DIAPH2: variants seen among roughly 807,000 people sequenced by gnomAD.
The protein encoded by DIAPH2 is protein diaphanous homolog 2.
A neutral mutation model predicts 92.7 loss-of-function variants in DIAPH2; 35 were observed. The ratio of observed to expected loss-of-function variants is 0.38; its 90% confidence interval spans 0.29 to 0.50. The LOEUF (loss-of-function observed/expected upper bound fraction) is 0.50. Among genes scored for constraint, DIAPH2 ranks in the 20% least tolerant of loss-of-function variants. DIAPH2 has a pLI of 0.94. For missense variants in DIAPH2, 701 were observed against 819.5 expected (o/e 0.86, Z 1.77); for synonymous variants, 301 against 280.4 (o/e 1.07, Z -0.73).
intron 4 of DIAPH2, among the ~76,000 whole-genome samples, chrX:96,793,231 GCTCACTGT>G (rs2064513497): frequency 8.9e-6 from 1 of 112,388 alleles, no homozygotes; most frequent in African/African-American, 3.2e-5. Flanking sequence ...CGTGACCTCG[GCTCACTGT>G]ATCCTCTGTC....
At chrX:97,017,233 C>T (rs1055010296) in intron 17 of DIAPH2, among the ~76,000 whole-genome samples, 2 of 111,825 alleles carry the variant, frequency 1.8e-5, no homozygotes, top group Admixed American at 9.5e-5. Flanking sequence ...AGGAAAACAT[C>T]GTAAATATCA....
intron 4 of DIAPH2, among the ~76,000 whole-genome samples, chrX:96,816,868 A>G (rs766409928): frequency 1.8e-5 from 2 of 112,613 alleles, no homozygotes; most frequent in African/African-American, 6.4e-5. Context: ...TGTGGTACAT[A>G]TACACAATGG....
intron 4 of DIAPH2, among the ~76,000 whole-genome samples, chrX:96,784,067 C>A (rs2064437981): frequency 8.9e-6 from 1 of 111,954 alleles, no homozygotes; most frequent in South Asian, 3.7e-4. Flanking sequence ...TCCTAAAATG[C>A]CTCATTCTTT....
At chrX:96,883,389 T>G (rs1283555099) in intron 5 of DIAPH2, among the ~76,000 whole-genome samples, 1 of 109,352 alleles carries the variant, frequency 9.1e-6, no homozygotes, top group African/African-American at 3.3e-5. Context: ...GTTTTTTGTT[T>G]TTTTTTTTGA....
At chrX:97,343,593 C>T (rs1183856328) in intron 23 of DIAPH2, among the ~76,000 whole-genome samples, 2 of 109,814 alleles carry the variant, frequency 1.8e-5, no homozygotes, top group Non-Finnish European at 3.8e-5. Context: ...CGCTTGAACC[C>T]GGGAGGCGGA....
intron 21 of DIAPH2, among the ~76,000 whole-genome samples, chrX:97,123,516 T>C (rs1339200381): frequency 8.9e-6 from 1 of 112,413 alleles, no homozygotes; most frequent in Non-Finnish European, 1.9e-5. Context: ...ATGTTATTCA[T>C]TGTGTATTCT....
intron 4 of DIAPH2, among the ~76,000 whole-genome samples, chrX:96,779,277 ACT>A (rs2064399414): frequency 8.9e-6 from 1 of 111,897 alleles, no homozygotes; most frequent in Non-Finnish European, 1.9e-5. Context: ...ATTGATAGAA[ACT>A]CTATAAAATC....
chrX:96,732,266 T>A (rs1442216012), intron 1 of DIAPH2, among the ~76,000 whole-genome samples: 2 of 111,951 alleles, frequency 1.8e-5, no homozygotes, highest in Admixed American at 9.5e-5. Context: ...CAGAAATGAT[T>A]TCGTTTTGTT....
At chrX:97,297,492 T>C (rs1280354876) in intron 23 of DIAPH2, among the ~76,000 whole-genome samples, 1 of 110,723 alleles carries the variant, frequency 9.0e-6, no homozygotes, top group Non-Finnish European at 1.9e-5. Flanking sequence ...TTCCTGTAGA[T>C]TTTTATTCAT....
At chrX:97,129,101 C>CT (rs1330005459) in intron 21 of DIAPH2, among the ~76,000 whole-genome samples, 1 of 61,080 alleles carries the variant, frequency 1.6e-5, no homozygotes, top group African/African-American at 7.4e-5. Flanking sequence ...CTTTTCTTTT[C>CT]TTTTCTTTTC....
Position 97,162,105 on chromosome X carries a change from A to G in DIAPH2, c.2719+20311A>G, listed in dbSNP as rs1284783994. ...TATCTCTTAATATTACCTTAATATT[A>G]TCAATTTCTTGAGAATTATCTTCCA... On this transcript the variant is annotated intron_variant, in intron 22 of 26. Coordinates refer to ENST00000324765, the MANE Select transcript of DIAPH2 (RefSeq NM_006729.5). 2.7e-5 allele frequency among the ~76,000 whole-genome samples: 3 copies of G among 111,214 alleles called. No individual in the cohort carries two copies. The East Asian group carries it at 8.4e-4, about 31-fold the overall frequency.
intron 23 of DIAPH2, among the ~76,000 whole-genome samples, chrX:97,266,256 T>G (rs1349364595): frequency 1.8e-5 from 2 of 112,345 alleles, no homozygotes; most frequent in Non-Finnish European, 3.8e-5. Context: ...ACAGTATAAA[T>G]AATGTATTCT....
chrX:96,815,851 G>T (rs1282092169), intron 4 of DIAPH2, among the ~76,000 whole-genome samples: 1 of 110,535 alleles, frequency 9.0e-6, no homozygotes, highest in Non-Finnish European at 1.9e-5. Context: ...TTGTATTTTA[G>T]TGGAGACAGG....
chrX:97,125,001 G>A (rs756662630), intron 21 of DIAPH2, among the ~76,000 whole-genome samples: 19 of 111,473 alleles, frequency 1.7e-4, no homozygotes, highest in African/African-American at 6.2e-4. Flanking sequence ...GTGCATATGG[G>A]TGTTGAGTAA....
chrX:97,464,346 A>T (rs1489765567), intron 26 of DIAPH2, among the ~76,000 whole-genome samples: 1 of 102,547 alleles, frequency 9.8e-6, no homozygotes, highest in Non-Finnish European at 2.0e-5. Flanking sequence ...GCATGGTGGC[A>T]CACACCTGTA....
At chrX:96,980,887 G>A (rs146953896) in intron 17 of DIAPH2, among the ~76,000 whole-genome samples, 4,312 of 107,767 alleles carry the variant, frequency 0.04, 106 homozygotes, top group Middle Eastern at 0.084. Flanking sequence ...CAGGCCAGGT[G>A]CAGTGGTTCA....
intron 22 of DIAPH2, among the ~76,000 whole-genome samples, chrX:97,183,354 C>G (rs73548607): frequency 0.058 from 6,394 of 111,107 alleles, 399 homozygotes; most frequent in African/African-American, 0.18. Flanking sequence ...TTTGGAGACA[C>G]TTAACAAGTG....
At chrX:96,941,633 A>G (rs2147803789) in intron 12 of DIAPH2, among the ~76,000 whole-genome samples, 1 of 111,577 alleles carries the variant, frequency 9.0e-6, no homozygotes, top group South Asian at 3.8e-4. Context: ...CCTTATTGAA[A>G]TTGAGAACCT....
intron 15 of DIAPH2, among the ~76,000 whole-genome samples, chrX:96,957,585 G>T (rs935038577): frequency 9.0e-6 from 1 of 111,241 alleles, no homozygotes; most frequent in African/African-American, 3.3e-5. Context: ...GCATTTGTGT[G>T]TTAACAGAAG....
Sources: gnomAD v4.1 joint callset for allele counts (sites outside exome capture counted in the v4.1 genomes callset) on GRCh38, gnomAD v4.1.1 for gene constraint, MANE v1.5 for transcripts, NCBI Gene and HGNC (gene_info 2026-07-23, HGNC 2026-07-21) for gene names.